The following NRXN3 variants were observed in gnomAD, a reference collection of about 807,000 sequenced individuals.
The protein encoded by NRXN3 is neurexin 3, also known as neurexin III.
NRXN3 carries 32 observed loss-of-function variants against 137.6 expected under a neutral mutation model. The ratio of observed to expected loss-of-function variants is 0.23; its 90% confidence interval spans 0.18 to 0.31. The LOEUF (loss-of-function observed/expected upper bound fraction) is 0.31, where lower values mean the gene tolerates loss of function less well. Ranked by LOEUF, NRXN3 falls within the 10% of genes least tolerant of loss-of-function variation. The pLI, the probability that NRXN3 is intolerant of heterozygous loss-of-function variation, is 1.00. For synonymous variants in NRXN3, 798 were observed against 784.5 expected (o/e 1.02, Z -0.29); for missense variants, 1,574 against 2,062.5 (o/e 0.76, Z 4.59).
At chr14:79,180,868 A>G (rs551358531) in intron 15 of NRXN3, among the ~76,000 whole-genome samples, 2 of 152,262 alleles carry the variant, frequency 1.3e-5, no homozygotes, top group South Asian at 4.1e-4. Flanking sequence ...ACAGTCATAT[A>G]CAATCTATAG....
intron 15 of NRXN3, among the ~76,000 whole-genome samples, chr14:79,463,291 G>A (rs574849874): frequency 6.6e-6 from 1 of 152,002 alleles, no homozygotes; most frequent in African/African-American, 2.4e-5. Flanking sequence ...TTTCACCCAG[G>A]ACTCCTTTAT....
Position 79,643,939 on chromosome 14 carries a change from A to G in NRXN3, c.3445-19839A>G, listed in dbSNP as rs374421186. Among the ~76,000 whole-genome samples the G allele has an allele frequency of 2.2e-5, 3 of 135,442 alleles. 1 individual carries two copies. Among genetic ancestry groups the G allele is most frequent in the African/African-American group, 7.4e-5 (3 of 40,744 alleles). 88.9% of individuals were successfully genotyped at this position (135,442 alleles called of 152,430 possible). On this transcript the variant is annotated intron_variant, in intron 16 of 20. Transcript: ENST00000335750. ...ATTTTGACTATGTCTTATCTACCCA[A>G]TTGTAAACTTAATGAATACCCACAC... is the stretch of plus-strand genomic sequence containing the variant.
intron 15 of NRXN3, among the ~76,000 whole-genome samples, chr14:79,126,027 CA>C (rs1364935337): frequency 6.6e-6 from 1 of 151,994 alleles, no homozygotes; most frequent in Non-Finnish European, 1.5e-5. Flanking sequence ...TCACAGCATT[CA>C]AAATGTTCAC....
At chr14:78,530,490 G>T (rs571056345) in intron 4 of NRXN3, among the ~76,000 whole-genome samples, 1 of 152,300 alleles carries the variant, frequency 6.6e-6, no homozygotes, top group South Asian at 2.1e-4. Context: ...GATGGAAAAG[G>T]GTTGCCCTGG....
intron 15 of NRXN3, among the ~76,000 whole-genome samples, chr14:79,286,297 A>G (rs1311362799): frequency 6.6e-6 from 1 of 152,134 alleles, no homozygotes; most frequent in Non-Finnish European, 1.5e-5. Flanking sequence ...ACAAATTACC[A>G]ACTACTTTCA....
At chr14:78,562,396 CAA>C (rs752464669) in intron 4 of NRXN3, among the ~76,000 whole-genome samples, 2,232 of 49,202 alleles carry the variant, frequency 0.045, 15 homozygotes, top group African/African-American at 0.086. Context: ...ACTTATATCT[CAA>C]AAAAAAAAAA....
chr14:79,661,441 C>T (rs116111623), intron 16 of NRXN3, among the ~76,000 whole-genome samples: 204 of 152,202 alleles, frequency 1.3e-3, no homozygotes, highest in African/African-American at 4.5e-3. Context: ...CTTGTCCATT[C>T]TTTTATTGGA....
intron 15 of NRXN3, among the ~76,000 whole-genome samples, chr14:79,246,425 T>G (rs905911577): frequency 2.0e-5 from 3 of 152,206 alleles, no homozygotes; most frequent in African/African-American, 7.2e-5. Context: ...GCATTGACTC[T>G]GTCCGAGGTT....
intron 10 of NRXN3, among the ~76,000 whole-genome samples, chr14:78,946,368 C>T (rs2099365206): frequency 6.6e-6 from 1 of 152,156 alleles, no homozygotes; most frequent in Admixed American, 6.5e-5. Context: ...TGATGACTTC[C>T]AGATGGCCTG....
intron 4 of NRXN3, among the ~76,000 whole-genome samples, chr14:78,408,119 T>C (rs1048111459): frequency 6.6e-6 from 1 of 152,194 alleles, no homozygotes; most frequent in Admixed American, 6.5e-5. Flanking sequence ...CATGAAGATG[T>C]TTAACAAGTT....
intron 4 of NRXN3, among the ~76,000 whole-genome samples, chr14:78,336,526 A>G (rs1342809444): frequency 1.3e-5 from 2 of 152,124 alleles, no homozygotes; most frequent in Admixed American, 6.5e-5. Context: ...CTTCTATTCT[A>G]GGAGGCTCCT....
chr14:79,540,969 G>A (rs920104761), intron 16 of NRXN3, among the ~76,000 whole-genome samples: 2 of 152,082 alleles, frequency 1.3e-5, no homozygotes, highest in African/African-American at 4.8e-5. Flanking sequence ...AGCAAGGCTG[G>A]TTCCTTCTGG....
intron 15 of NRXN3, among the ~76,000 whole-genome samples, chr14:79,003,744 A>G (rs1022844336): frequency 6.6e-6 from 1 of 152,206 alleles, no homozygotes; most frequent in Non-Finnish European, 1.5e-5. Context: ...GCCACATCCC[A>G]GGTCTCAGGA....
At chr14:79,348,378 CTT>C (rs10628515) in intron 15 of NRXN3, among the ~76,000 whole-genome samples, 12 of 135,934 alleles carry the variant, frequency 8.8e-5, no homozygotes, top group Non-Finnish European at 4.6e-5. Flanking sequence ...AATCTTCTCT[CTT>C]TTTTTTTTTT....
chr14:79,412,605 C>T (rs1740109359), intron 15 of NRXN3, among the ~76,000 whole-genome samples: 1 of 139,834 alleles, frequency 7.2e-6, no homozygotes, highest in African/African-American at 2.5e-5. Context: ...ATGATGAAAC[C>T]CCATCTACTA....
At position 79,663,895 on chromosome 14, in the gene NRXN3, G is replaced by A. The variant is rs746751046; in HGVS notation, c.3562G>A (p.Gly1188Ser). The A allele has an allele frequency of 7.4e-6, 12 of 1,613,426 alleles. No homozygotes were observed. The highest frequency in any genetic ancestry group is 1.3e-5 in the African/African-American group (1 of 74,878). The change falls in exon 17 of 21, where the codon GGC becomes AGC. Residue 1188 changes from glycine to serine, a missense_variant. By Grantham distance (56) the Gly-to-Ser change is moderately conservative (BLOSUM62 0). Transcript: ENST00000335750. ...YHVVRFTRNG[G>S]NATLQVDNWP... is the part of the protein sequence containing the mutation. ...TGTGGTACGCTTCACCAGGAACGGC[G>A]GCAACGCCACCCTGCAGGTGGACAA...
chr14:79,839,264 C>T (rs910047117), intron 20 of NRXN3, among the ~76,000 whole-genome samples: 6 of 151,984 alleles, frequency 3.9e-5, no homozygotes, highest in African/African-American at 1.5e-4. Flanking sequence ...TGGCTGAGGC[C>T]TAGGGCCGGA....
At chr14:78,226,464 G>A (rs1248805508) in intron 1 of NRXN3, among the ~76,000 whole-genome samples, 2 of 152,150 alleles carry the variant, frequency 1.3e-5, no homozygotes, top group Admixed American at 6.5e-5. Context: ...GCCCATCCTG[G>A]CATAGCAGAA....
At chr14:78,264,486 G>C (rs1202158046) in intron 2 of NRXN3, among the ~76,000 whole-genome samples, 1 of 152,122 alleles carries the variant, frequency 6.6e-6, no homozygotes, top group East Asian at 1.9e-4. Context: ...TGGCAGAGTT[G>C]GGGAGGGGAG....
Sources: allele counts gnomAD v4.1 joint callset (sites outside exome capture counted in the v4.1 genomes callset), GRCh38; gene constraint gnomAD v4.1.1; transcripts MANE v1.5; gene names NCBI Gene and HGNC (gene_info 2026-07-23, HGNC 2026-07-21).